The following KDM4B variants were observed in gnomAD, a reference collection of about 807,000 sequenced individuals.
KDM4B encodes lysine-specific demethylase 4B.
KDM4B carries 32 observed loss-of-function variants against 125.2 expected under a neutral mutation model. The observed-to-expected ratio is 0.26, with a 90% confidence interval of 0.19 to 0.34. KDM4B has a LOEUF of 0.34. KDM4B is among the 10% of genes least tolerant of loss of function. The pLI, the probability that KDM4B is intolerant of heterozygous loss-of-function variation, is 1.00. For synonymous variants in KDM4B, 721 were observed against 677.9 expected, an observed-to-expected ratio of 1.06 and a Z score of -0.99; for missense variants, 1,190 against 1,577.7, an observed-to-expected ratio of 0.75 and a Z score of 4.16.
At chr19:5,126,673 C>T (rs1480019774) in intron 11 of KDM4B, among the ~76,000 whole-genome samples, 2 of 152,220 alleles carry the variant, frequency 1.3e-5, no homozygotes, top group East Asian at 1.9e-4. Flanking sequence ...GGCCCCAGCT[C>T]ATAGTGAGGG....
At chr19:5,132,071 G>T (rs921888408) in intron 13 of KDM4B, 64 bp downstream of exon 13, 12 of 1,491,930 alleles carry the variant, frequency 8.0e-6, no homozygotes, top group Admixed American at 4.8e-5. Flanking sequence ...GCTGCTGGAG[G>T]GGGGGCCTGG....
intron 11 of KDM4B, among the ~76,000 whole-genome samples, chr19:5,122,851 C>A (rs1422747832): frequency 1.3e-5 from 2 of 152,268 alleles, no homozygotes; most frequent in Non-Finnish European, 2.9e-5. Flanking sequence ...GTGGAAACAC[C>A]CACCGTGCCC....
intron 2 of KDM4B, 62 bp from the exon 3 acceptor site, chr19:5,032,804 C>T (rs753187800): frequency 1.4e-5 from 20 of 1,471,094 alleles, no homozygotes; most frequent in Non-Finnish European, 1.7e-5. Context: ...TGAGGGAGGA[C>T]GGGCTCCAAG....
At chr19:5,101,644 G>C (rs1279889718) in intron 9 of KDM4B, among the ~76,000 whole-genome samples, 1 of 152,078 alleles carries the variant, frequency 6.6e-6, no homozygotes, top group African/African-American at 2.4e-5. Flanking sequence ...CTTTACCCGG[G>C]GAGGTCTGGG....
chr19:5,000,434 C>G (rs1325435199), intron 1 of KDM4B, among the ~76,000 whole-genome samples: 1 of 148,454 alleles, frequency 6.7e-6, no homozygotes, highest in Non-Finnish European at 1.5e-5. Context: ...TCCATTTATT[C>G]ATCCATCCAT....
intron 9 of KDM4B, among the ~76,000 whole-genome samples, chr19:5,109,379 T>C (rs2039095064): frequency 6.6e-6 from 1 of 152,182 alleles, no homozygotes; most frequent in African/African-American, 2.4e-5. Flanking sequence ...CCTGAAATGT[T>C]GAGCATCACC....
intron 1 of KDM4B, among the ~76,000 whole-genome samples, chr19:5,012,015 T>C (rs1287883212): frequency 6.6e-6 from 1 of 152,170 alleles, no homozygotes; most frequent in African/African-American, 2.4e-5. Context: ...TGTTACGTAA[T>C]CGGTAGCTCG....
At position 5,035,485 on chromosome 19, in the gene KDM4B, C is replaced by T. The variant is rs964203941; in HGVS notation, c.141+2454C>T. ...TGTTTCCGGCTCTCTCTGCCCTCCACGTGGCGGCCTTGGGTGCAGCCTGGG... is the reference window on the plus strand; with the variant it reads ...TGTTTCCGGCTCTCTCTGCCCTCCATGTGGCGGCCTTGGGTGCAGCCTGGG... On this transcript the variant is annotated intron_variant, in intron 3 of 22. Coordinates refer to ENST00000159111, the MANE Select transcript of KDM4B (RefSeq NM_015015.3). This position sits in a 1 kb window ranked among gnomAD's most constrained non-coding sequence, Gnocchi z 5.3. Among the ~76,000 whole-genome samples the T allele has an allele frequency of 2.0e-5, 3 of 152,160 alleles. No homozygotes were observed. The highest frequency in any genetic ancestry group is 4.8e-5 in the African/African-American group (2 of 41,438).
chr19:5,119,249 C>T lies in KDM4B; in HGVS notation c.1116-404C>T, dbSNP rs1260145596. ...GTGTCTTTTTCGTTCCGTTTGTCGT[C>T]TAGGCATTTTCCATGAGCTGCTGTT... On this transcript the variant is annotated intron_variant, in intron 10 of 22. Transcript: ENST00000159111. 5.0e-6 allele frequency: 7 copies of T among 1,412,378 alleles called. No individual in the cohort carries two copies. The East Asian group carries it at 1.7e-4, about 35-fold the overall frequency. 87.5% of individuals were successfully genotyped at this position (1,412,378 alleles called of 1,614,324 possible).
chr19:5,127,569 A>G (rs1438282127), intron 11 of KDM4B, among the ~76,000 whole-genome samples: 1 of 152,128 alleles, frequency 6.6e-6, no homozygotes, highest in Admixed American at 6.5e-5. Context: ...CAGACAGGGG[A>G]TGGGGTGGCA....
At chr19:5,028,914 G>T (rs1169740502) in intron 2 of KDM4B, among the ~76,000 whole-genome samples, 3 of 152,134 alleles carry the variant, frequency 2.0e-5, no homozygotes, top group Non-Finnish European at 2.9e-5. Context: ...TTTTTTGCTG[G>T]TTTTTTAGAC....
rs369817556 is a variant in KDM4B, at chr19:5,137,995, C to G, written c.2475C>G (p.Pro825=). 3 of 1,612,662 alleles carry G rather than the reference C, an allele frequency of 1.9e-6. No individual in the cohort carries two copies. The highest frequency in any genetic ancestry group is 2.2e-5 in the East Asian group (1 of 44,884). The change falls in exon 18 of 23, where the codon CCC becomes CCG. Residue 825 remains proline (P), a synonymous_variant. Coordinates refer to ENST00000159111, the MANE Select transcript of KDM4B (RefSeq NM_015015.3). ...ACGTGATCTGTGCCATCGCAGTCCCCGAGGCGCGCTTCCTGAACGTGATTG... is the reference window on the plus strand; with the variant it reads ...ACGTGATCTGTGCCATCGCAGTCCCGGAGGCGCGCTTCCTGAACGTGATTG... ...WIHVICAIAV[P]EARFLNVIER... is the part of the protein sequence containing the mutation.
rs1302420145 is a variant in KDM4B, at chr19:5,040,073, G to T, written c.317+62G>T. The T allele has an allele frequency of 4.0e-6, 6 of 1,506,130 alleles. No homozygotes were observed. The South Asian group carries it at 5.0e-5, about 13-fold the overall frequency. The allele number at this position is 1,506,130 out of a possible 1,614,324, so 93.3% of individuals were successfully genotyped here. On this transcript the variant is annotated intron_variant, in intron 4 of 22. Coordinates refer to ENST00000159111, the MANE Select transcript of KDM4B (RefSeq NM_015015.3). ...CCCGGGGGCACACCTGCTCATGGGG[G>T]CCCTGGGGGCAGAGAAGGTGCGGTA... is the stretch of plus-strand genomic sequence containing the variant.
chr19:4,980,639 G>C (rs2034605694), intron 1 of KDM4B, among the ~76,000 whole-genome samples: 1 of 151,968 alleles, frequency 6.6e-6, no homozygotes, highest in South Asian at 2.1e-4. Context: ...ACATGGCCAG[G>C]CTGGTCTCGA....
chr19:5,056,904 C>T (rs1224870173), intron 6 of KDM4B, among the ~76,000 whole-genome samples: 2 of 105,222 alleles, frequency 1.9e-5, no homozygotes, highest in Non-Finnish European at 3.9e-5. Flanking sequence ...AGTCCTGGGG[C>T]GGGGAGTCCT....
At chr19:5,025,363 G>C (rs914195733) in intron 2 of KDM4B, among the ~76,000 whole-genome samples, 4 of 152,226 alleles carry the variant, frequency 2.6e-5, no homozygotes, top group African/African-American at 9.7e-5. Context: ...GAACCCACAG[G>C]GTTCCCGTGC....
At chr19:5,129,477 G>T (rs943896517) in intron 11 of KDM4B, among the ~76,000 whole-genome samples, 34 of 152,220 alleles carry the variant, frequency 2.2e-4, no homozygotes, top group Non-Finnish European at 2.9e-5. Flanking sequence ...AGATGTGGGC[G>T]CTGTGCTCCA....
intron 21 of KDM4B, among the ~76,000 whole-genome samples, chr19:5,147,856 G>A (rs2039879069): frequency 2.0e-5 from 3 of 152,004 alleles, no homozygotes; most frequent in Non-Finnish European, 4.4e-5. Flanking sequence ...TGGAGTGCGC[G>A]CCTGCCTGCG....
chr19:5,137,709 C>T (rs759792950), intron 17 of KDM4B, 33 bp downstream of exon 17: 85 of 1,546,600 alleles, frequency 5.5e-5, no homozygotes, highest in South Asian at 1.2e-4. Context: ...GCTGGAGGGC[C>T]GGAGGGGAGC....
Sources: allele counts gnomAD v4.1 joint callset (sites outside exome capture counted in the v4.1 genomes callset), GRCh38; gene constraint gnomAD v4.1.1; non-coding constraint Gnocchi (gnomAD v3.1); transcripts MANE v1.5; gene names NCBI Gene and HGNC (gene_info 2026-07-23, HGNC 2026-07-21).